SYT12: variants seen among roughly 807,000 people sequenced by gnomAD.
The protein encoded by SYT12 is synaptotagmin-12.
SYT12 carries 27 observed loss-of-function variants against 39.5 expected under a neutral mutation model. That is an observed-to-expected ratio of 0.68 (90% confidence interval 0.50 to 0.94). The LOEUF is 0.94. SYT12 is among the 40% of genes least tolerant of loss of function. SYT12 has a pLI of 0.00. For missense variants in SYT12, 536 were observed against 572.6 expected (o/e 0.94, Z 0.65); for synonymous variants, 233 against 239.7 (o/e 0.97, Z 0.26).
chr11:67,038,455 T>A (rs1950430232), intron 3 of SYT12, among the ~76,000 whole-genome samples: 2 of 151,838 alleles, frequency 1.3e-5, no homozygotes, highest in African/African-American at 4.8e-5. Context: ...TGAGCCACCG[T>A]GCCTGGCCAA....
chr11:67,044,423 C>T (rs980890806), intron 5 of SYT12, among the ~76,000 whole-genome samples, 170 bp from the exon 6 acceptor site: 1 of 152,098 alleles, frequency 6.6e-6, no homozygotes, highest in African/African-American at 2.4e-5. Flanking sequence ...GTGGCTGTCC[C>T]TTTCTCCAGG....
At chr11:67,021,943 T>C (rs1475558810), upstream of SYT12, 1 of 129,142 alleles carries the variant, frequency 7.7e-6, no homozygotes, top group Non-Finnish European at 1.6e-5. Flanking sequence ...CTTTTTTTCT[T>C]TTTCTTTTCT....
intron 3 of SYT12, chr11:67,011,087 A>C (rs759247852): frequency 2.0e-5 from 3 of 152,234 alleles, no homozygotes; most frequent in Non-Finnish European, 2.9e-5. Context: ...AGCTAGGTGC[A>C]GTAGAACCTA....
chr11:67,021,838 G>GATA (rs1235388596), upstream of SYT12: 2 of 152,106 alleles, frequency 1.3e-5, no homozygotes, highest in Non-Finnish European at 2.9e-5. Flanking sequence ...CCCGCCCCAT[G>GATA]ATAATGCCCT....
intron 3 of SYT12, among the ~76,000 whole-genome samples, chr11:67,017,418 A>G (rs1950067151): frequency 6.7e-6 from 1 of 149,196 alleles, no homozygotes; most frequent in Non-Finnish European, 1.5e-5. Context: ...GGAGTGCAGT[A>G]GTGCGAACTA....
intron 1 of SYT12, among the ~76,000 whole-genome samples, chr11:67,008,738 C>T (rs184343266): frequency 5.9e-5 from 9 of 152,022 alleles, no homozygotes; most frequent in East Asian, 1.9e-4. Context: ...TTTGTAGAGA[C>T]GGGGTTTCAA....
chr11:67,024,893 G>A (rs1303208709), intron 1 of SYT12, among the ~76,000 whole-genome samples: 2 of 152,196 alleles, frequency 1.3e-5, no homozygotes, highest in Non-Finnish European at 2.9e-5. Flanking sequence ...GTGGGGTGGA[G>A]CAGAAGGCAG....
At chr11:67,016,969 C>T (rs568380384) in intron 3 of SYT12, among the ~76,000 whole-genome samples, 12 of 152,312 alleles carry the variant, frequency 7.9e-5, no homozygotes, top group African/African-American at 2.4e-4. Context: ...TCAAATATTA[C>T]GTAAATTCTG....
chr11:67,032,942 A>G lies in SYT12; in HGVS notation c.35-1703A>G, dbSNP rs1005083211. On this transcript the variant is annotated intron_variant, in intron 2 of 7. Transcript: ENST00000527043. The stretch of plus-strand genomic sequence containing the variant: ...AAAAAAGAAAAAGAAAGAAAAGAAA[A>G]GAAAGTAGAGCCTTACAGGGTGCTC... 5 of 154,698 alleles carry G rather than the reference A, an allele frequency of 3.2e-5. No individual in the cohort carries two copies. The East Asian group carries it at 7.5e-4, about 23-fold the overall frequency. The allele number at this position is 154,698 out of a possible 1,614,324, so 9.6% of individuals were successfully genotyped here.
Position 67,039,846 on chromosome 11 carries a change from G to A in SYT12, c.264G>A (p.Thr88=), listed in dbSNP as rs147661470. ...CCTGGAATGCCCAGCGGGCCAGCACGCGGGGACCACCCAGCCGCAAAGGCA... is the reference window on the plus strand; with the variant it reads ...CCTGGAATGCCCAGCGGGCCAGCACACGGGGACCACCCAGCCGCAAAGGCA... ...VPAWNAQRAS[T]RGPPSRKGSL... Residue 88 remains threonine, a synonymous_variant, in exon 4 of 8, where the codon ACG becomes ACA. Coordinates refer to ENST00000527043, the MANE Select transcript of SYT12 (RefSeq NM_177963.4). 27 of 1,612,548 alleles carry A rather than the reference G, an allele frequency of 1.7e-5. No individual in the cohort carries two copies. The highest frequency in any genetic ancestry group is 8.0e-5 in the African/African-American group (6 of 74,910).
chr11:67,043,002 G>T (rs1394604442), intron 4 of SYT12, among the ~76,000 whole-genome samples: 1 of 152,158 alleles, frequency 6.6e-6, no homozygotes, highest in Non-Finnish European at 1.5e-5. Context: ...GGATGAGAGC[G>T]CCTTTCTTTA....
intron 7 of SYT12, among the ~76,000 whole-genome samples, chr11:67,047,323 C>A (rs1854589071): frequency 3.8e-4 from 2 of 5,274 alleles, no homozygotes; most frequent in South Asian, 0.017. Context: ...GGCTGGAGTG[C>A]AGTGGAGTGA....
chr11:67,034,965 G>A (rs1950331293), intron 3 of SYT12, 127 bp downstream of exon 3: 2 of 644,746 alleles, frequency 3.1e-6, no homozygotes. Flanking sequence ...CCTTTGAAAG[G>A]GGAGTAGACC....
At chr11:67,031,406 C>G (rs1950264767) in intron 2 of SYT12, 1 of 152,224 alleles carries the variant, frequency 6.6e-6, no homozygotes, top group Non-Finnish European at 1.5e-5. Context: ...CCCAGTCTGT[C>G]TGGAGGCAGA....
chr11:67,033,136 G>T (rs1463124113), intron 2 of SYT12, among the ~76,000 whole-genome samples: 1 of 151,926 alleles, frequency 6.6e-6, no homozygotes, highest in African/African-American at 2.4e-5. Context: ...CTCTAGCCCC[G>T]GGTCCCCTCC....
chr11:67,045,941 C>G, intron 7 of SYT12, 64 bp downstream of exon 7: 11 of 1,596,780 alleles, frequency 6.9e-6, no homozygotes, highest in Non-Finnish European at 9.4e-6. Flanking sequence ...TGCCGCATCT[C>G]TCCACCTTCT....
chr11:67,029,845 C>G, intron 1 of SYT12: 1 of 371,442 alleles, frequency 2.7e-6, no homozygotes, highest in Middle Eastern at 7.4e-4. Context: ...AAGAGAGACT[C>G]CATCTGAAAA....
chr11:67,034,793 C>A lies in SYT12; in HGVS notation c.183C>A (p.Tyr61Ter), dbSNP rs147541251. 2.1e-5 allele frequency: 33 copies of A among 1,591,280 alleles called. No individual in the cohort carries two copies. Among genetic ancestry groups the A allele is most frequent in the Non-Finnish European group, 2.6e-5 (30 of 1,171,846 alleles). Reference sequence around the variant, plus strand: ...CGTTCCCCAATTACGACTACAGGTACCTTCAGCAGAAGTACGGCGAGAGCT... The same window carrying A: ...CGTTCCCCAATTACGACTACAGGTAACTTCAGCAGAAGTACGGCGAGAGCT... Reference protein sequence around the residue: ...PSPFPNYDYRYLQQKYGESCA... With the variant: ...PSPFPNYDYR Residue 61 changes from tyrosine (Y) to a stop codon, truncating the protein, a stop_gained, in exon 3 of 8, where the codon TAC becomes TAA. Coordinates refer to ENST00000527043, the MANE Select transcript of SYT12 (RefSeq NM_177963.4). LOFTEE classifies it high-confidence loss of function.
chr11:67,038,380 G>C (rs1005752662), intron 3 of SYT12, among the ~76,000 whole-genome samples: 1 of 151,758 alleles, frequency 6.6e-6, no homozygotes, highest in African/African-American at 2.4e-5. Context: ...GGCCAGGCTG[G>C]TCTTGAACTC....
Sources: gnomAD v4.1 joint callset for allele counts (sites outside exome capture counted in the v4.1 genomes callset) on GRCh38, gnomAD v4.1.1 for gene constraint, MANE v1.5 for transcripts, NCBI Gene and HGNC (gene_info 2026-07-23, HGNC 2026-07-21) for gene names.